The following MACROD2 variants were observed in gnomAD, a reference collection of about 807,000 sequenced individuals.
MACROD2 encodes ADP-ribose glycohydrolase MACROD2.
MACROD2 carries 36 observed loss-of-function variants against 70.4 expected under a neutral mutation model. The ratio of observed to expected loss-of-function variants is 0.51; its 90% CI spans 0.39 to 0.68. MACROD2 has a LOEUF of 0.68. Ranked by LOEUF, MACROD2 falls within the 30% of genes least tolerant of loss-of-function variation. MACROD2 has a pLI of 0.00. For missense variants in MACROD2, 496 were observed against 538.4 expected (o/e 0.92, Z 0.78); for synonymous variants, 172 against 178.8 (o/e 0.96, Z 0.30).
At chr20:14,673,499 T>G (rs2070820326) in intron 4 of MACROD2, among the ~76,000 whole-genome samples, 2 of 152,206 alleles carry the variant, frequency 1.3e-5, no homozygotes, top group African/African-American at 4.8e-5. Context: ...GCATTTTTAC[T>G]AGGCTCGCTT....
intron 8 of MACROD2, among the ~76,000 whole-genome samples, chr20:15,725,761 T>C (rs979562203): frequency 6.6e-6 from 1 of 151,952 alleles, no homozygotes; most frequent in East Asian, 1.9e-4. Flanking sequence ...AGAATCCAGA[T>C]ATCTATATGT....
At chr20:14,373,892 A>C (rs1490284584) in intron 3 of MACROD2, among the ~76,000 whole-genome samples, 1 of 152,162 alleles carries the variant, frequency 6.6e-6, no homozygotes, top group Non-Finnish European at 1.5e-5. Context: ...GTTGCAAATA[A>C]ATATTGCATG....
chr20:15,214,866 A>G (rs553749754), intron 5 of MACROD2, among the ~76,000 whole-genome samples: 39 of 152,338 alleles, frequency 2.6e-4, no homozygotes, highest in African/African-American at 8.7e-4. Flanking sequence ...ACTACTCAGT[A>G]AGGATGCTTT....
intron 4 of MACROD2, among the ~76,000 whole-genome samples, chr20:14,613,723 T>G (rs1454581181): frequency 6.6e-6 from 1 of 152,076 alleles, no homozygotes; most frequent in African/African-American, 2.4e-5. Flanking sequence ...TTTGATACAG[T>G]TAATGATCTT....
intron 5 of MACROD2, among the ~76,000 whole-genome samples, chr20:15,204,451 G>T (rs2076684135): frequency 2.6e-5 from 4 of 151,980 alleles, no homozygotes; most frequent in Admixed American, 2.6e-4. Context: ...TTTATTATTA[G>T]CTCTCTGAAT....
intron 8 of MACROD2, among the ~76,000 whole-genome samples, chr20:15,794,973 C>G (rs2063659991): frequency 6.6e-6 from 1 of 152,076 alleles, no homozygotes; most frequent in Non-Finnish European, 1.5e-5. Flanking sequence ...TCCTACCCCC[C>G]ACCCAACCAG....
At chr20:15,394,726 TTGTTGGGTTTC>T (rs1374140067) in intron 6 of MACROD2, among the ~76,000 whole-genome samples, 8 of 152,208 alleles carry the variant, frequency 5.3e-5, no homozygotes, top group African/African-American at 1.9e-4. Flanking sequence ...CCCTGGTACT[TTGTTGGGTTTC>T]TGTTGAATCC....
At position 15,594,950 on chromosome 20, in the gene MACROD2, C is replaced by A. The variant is rs73101881; in HGVS notation, c.645+95103C>A. On this transcript the variant is annotated intron_variant, in intron 8 of 17. Coordinates refer to ENST00000684519, the MANE Select transcript of MACROD2 (RefSeq NM_001351661.2). The stretch of plus-strand genomic sequence containing the variant: ...TCTTTTTCCTATTCTGTTATGGTCA[C>A]CTCTGTTGATTTCTTAGTGTTTTCT... 7.9e-3 allele frequency among the ~76,000 whole-genome samples: 1,204 copies of A among 152,186 alleles called. 5 individuals carry two copies. The highest frequency in any genetic ancestry group is 0.013 in the Non-Finnish European group (858 of 68,002).
rs576463276 is a variant in MACROD2, at chr20:14,921,372, G to C, written c.418+236413G>C. ...GATTGATTTATAGCCGTCTTTGCCT[G>C]AGACAAGCACAATTTAAACTAATTC... On this transcript the variant is annotated intron_variant, in intron 5 of 17. Transcript: ENST00000684519. 1.2e-4 allele frequency among the ~76,000 whole-genome samples: 18 copies of C among 152,260 alleles called. No individual in the cohort carries two copies. In the East Asian group the frequency reaches 3.1e-3, roughly 26 times the overall value.
In MACROD2 at chr20:15,876,918, G is replaced by A. The variant is rs147429041; in HGVS notation, c.728-8846G>A. ...TTGGTCAGCCACATGTCTTTGAAGT[G>A]TTGTCTGTCTCCCTCACTTGCTGGT... On this transcript the variant is annotated intron_variant, in intron 9 of 17. Transcript: ENST00000684519. 3.9e-5 allele frequency among the ~76,000 whole-genome samples: 6 copies of A among 152,132 alleles called. No homozygotes were observed. In the East Asian group the frequency reaches 1.2e-3, roughly 29 times the overall value.
At chr20:14,977,750 A>G (rs2074754855) in intron 5 of MACROD2, among the ~76,000 whole-genome samples, 1 of 152,136 alleles carries the variant, frequency 6.6e-6, no homozygotes, top group Non-Finnish European at 1.5e-5. Context: ...GTGGGAGTAA[A>G]AGGGAAGATG....
intron 3 of MACROD2, among the ~76,000 whole-genome samples, chr20:14,438,004 A>AT (rs2084078423): frequency 6.6e-6 from 1 of 152,180 alleles, no homozygotes; most frequent in African/African-American, 2.4e-5. Context: ...ATATACTGCT[A>AT]TTAACTATAA....
intron 8 of MACROD2, among the ~76,000 whole-genome samples, chr20:15,556,070 C>A (rs907176690): frequency 3.3e-5 from 5 of 152,064 alleles, no homozygotes; most frequent in Non-Finnish European, 4.4e-5. Context: ...GCTTCTGAAC[C>A]ATGCTTGGCT....
At chr20:14,053,999 A>G (rs529069470) in intron 2 of MACROD2, among the ~76,000 whole-genome samples, 3 of 152,160 alleles carry the variant, frequency 2.0e-5, no homozygotes, top group African/African-American at 2.4e-5. Flanking sequence ...GAGTGTAACT[A>G]TGTTATATAG....
intron 10 of MACROD2, chr20:15,894,043 A>G (rs958896320): frequency 2.4e-6 from 1 of 417,656 alleles, no homozygotes; most frequent in East Asian, 7.1e-5. Context: ...TAGTTTGGCA[A>G]GAAAGTGGCC....
At chr20:15,115,387 G>A (rs1188517945) in intron 5 of MACROD2, among the ~76,000 whole-genome samples, 1 of 151,980 alleles carries the variant, frequency 6.6e-6, no homozygotes, top group Non-Finnish European at 1.5e-5. Context: ...GCACCACCAT[G>A]CCCAGCTAAT....
At chr20:15,405,774 G>C (rs1287604185) in intron 6 of MACROD2, among the ~76,000 whole-genome samples, 1 of 152,114 alleles carries the variant, frequency 6.6e-6, no homozygotes, top group East Asian at 1.9e-4. Context: ...CCATTCTCTT[G>C]CTCTCTTGAA....
At chr20:14,539,585 CT>C (rs199508285) in intron 4 of MACROD2, among the ~76,000 whole-genome samples, 17,922 of 152,126 alleles carry the variant, frequency 0.12, 1,513 homozygotes, top group Non-Finnish European at 0.16. Context: ...ACTCATGCCA[CT>C]AAGATATTTT....
At chr20:15,461,248 A>T (rs2046815280) in intron 7 of MACROD2, among the ~76,000 whole-genome samples, 1 of 152,090 alleles carries the variant, frequency 6.6e-6, no homozygotes, top group East Asian at 1.9e-4. Context: ...TATTTATTTT[A>T]AAAAAGTATT....
Sources: allele counts gnomAD v4.1 joint callset (sites outside exome capture counted in the v4.1 genomes callset), GRCh38; gene constraint gnomAD v4.1.1; transcripts MANE v1.5; gene names NCBI Gene and HGNC (gene_info 2026-07-23, HGNC 2026-07-21).